The following NRXN1 variants were observed in gnomAD, a reference collection of about 807,000 sequenced individuals.
NRXN1 encodes neurexin-1.
NRXN1 carries 39 observed loss-of-function variants against 150.9 expected under a neutral mutation model. The ratio of observed to expected loss-of-function variants is 0.26; its 90% CI spans 0.20 to 0.34. The LOEUF is 0.34. Ranked by LOEUF, NRXN1 falls within the 10% of genes least tolerant of loss-of-function variation. The pLI, the probability that NRXN1 is intolerant of heterozygous loss-of-function variation, is 1.00. For synonymous variants in NRXN1, 924 were observed against 757.0 expected (o/e 1.22, Z -3.62); for missense variants, 1,815 against 1,949.9 (o/e 0.93, Z 1.30).
At chr2:50,327,212 A>C (rs963140886) in intron 17 of NRXN1, among the ~76,000 whole-genome samples, 2 of 152,236 alleles carry the variant, frequency 1.3e-5, no homozygotes, top group African/African-American at 4.8e-5. Context: ...TCAGAAATAA[A>C]AAATAACCAA....
intron 19 of NRXN1, among the ~76,000 whole-genome samples, chr2:50,078,412 C>G (rs1697409122): frequency 6.6e-6 from 1 of 151,514 alleles, no homozygotes; most frequent in Non-Finnish European, 1.5e-5. Context: ...TTCCAAATAC[C>G]TTTCATTCAG....
intron 12 of NRXN1, among the ~76,000 whole-genome samples, chr2:50,509,687 T>A (rs566996006): frequency 6.6e-6 from 1 of 152,326 alleles, no homozygotes; most frequent in South Asian, 2.1e-4. Context: ...ATAATTTTAA[T>A]GGCAAAATTA....
At position 51,027,955 on chromosome 2, in the gene NRXN1, T is replaced by A; in HGVS notation, c.319A>T (p.Thr107Ser). The A allele has an allele frequency of 6.2e-7, 1 of 1,603,044 alleles. No individual in the cohort carries two copies. The highest frequency in any genetic ancestry group is 1.1e-5 in the South Asian group (1 of 91,018). The change falls in exon 2 of 23, where the codon ACG becomes TCG. Residue 107 changes from threonine to serine, a missense_variant. Transcript: ENST00000401669. ...CAEPATLLADTPVNDGAWHSV... is the reference protein window; with the variant it reads ...CAEPATLLADSPVNDGAWHSV... ...TGCCAGGCGCCGTCGTTAACCGGCG[T>A]GTCGGCCAGGAGCGTCGCAGGCTCA...
Position 50,623,627 on chromosome 2 carries a change from C to T in NRXN1, c.833-12G>A. On this transcript the variant is annotated splice_polypyrimidine_tract_variant and intron_variant, in intron 5 of 22. Transcript: ENST00000401669. The stretch of plus-strand genomic sequence containing the variant: ...ATATTCTTCTTTTCCTAGAGGAAAA[C>T]AGATGATACATACATAAGTAAACAA... 2 of 1,587,380 alleles carry T rather than the reference C, an allele frequency of 1.3e-6. No individual in the cohort carries two copies. The highest frequency in any genetic ancestry group is 1.7e-6 in the Non-Finnish European group (2 of 1,158,814).
intron 21 of NRXN1, among the ~76,000 whole-genome samples, chr2:49,958,190 G>C (rs773991230): frequency 6.6e-6 from 1 of 152,060 alleles, no homozygotes; most frequent in South Asian, 2.1e-4. Context: ...ATTTGCCTTT[G>C]TGCATGTATT....
rs2087959434 is a variant in NRXN1 at position 50,459,665 on chromosome 2, G to A, written c.3364+5777C>T. Among the ~76,000 whole-genome samples, 3 of 152,022 alleles carry A rather than the reference G, an allele frequency of 2.0e-5. No individual in the cohort carries two copies. In the South Asian group the frequency reaches 6.2e-4, roughly 32 times the overall value. The stretch of plus-strand genomic sequence containing the variant: ...TCTCATTTCTTTTTATGTTTGCATG[G>A]TATTCTATGGTGTATATGTACCACA... On this transcript the variant is annotated intron_variant, in intron 17 of 22. Transcript: ENST00000401669.
intron 8 of NRXN1, among the ~76,000 whole-genome samples, chr2:50,557,838 A>T (rs1668480262): frequency 6.6e-6 from 1 of 152,222 alleles, no homozygotes; most frequent in Non-Finnish European, 1.5e-5. Flanking sequence ...CACATATTTA[A>T]GGGAATTAAA....
chr2:50,881,916 T>C (rs1330394960), intron 5 of NRXN1, among the ~76,000 whole-genome samples: 1 of 151,694 alleles, frequency 6.6e-6, no homozygotes, highest in African/African-American at 2.4e-5. Context: ...AAAAATATAA[T>C]ACAAACTTTT....
chr2:50,745,645 G>T (rs1397930018), intron 5 of NRXN1, among the ~76,000 whole-genome samples: 1 of 152,038 alleles, frequency 6.6e-6, no homozygotes, highest in Non-Finnish European at 1.5e-5. Context: ...CAGCATGCCT[G>T]GGGAGGCCTC....
rs373954439 is a variant in NRXN1 at position 50,620,121 on chromosome 2, C to T, written c.1221G>A (p.Met407Ile). 1.2e-6 allele frequency: 2 copies of T among 1,613,388 alleles called. No individual in the cohort carries two copies. Among genetic ancestry groups the T allele is most frequent in the Non-Finnish European group, 1.7e-6 (2 of 1,179,674 alleles). ...CATAGAAAAAGTCATCAGACCCCAG[C>T]ATGGTATAATCTTCTTGCGTGTAGC... ...TTGYTQEDYT[M>I]LGSDDFFYVG... Residue 407 changes from methionine to isoleucine, a missense_variant, in exon 8 of 23, where the codon ATG (methionine) becomes ATA (isoleucine). Coordinates refer to ENST00000401669, the MANE Select transcript of NRXN1 (RefSeq NM_001330078.2).
At chr2:50,691,689 C>A (rs969102959) in intron 5 of NRXN1, among the ~76,000 whole-genome samples, 11 of 152,262 alleles carry the variant, frequency 7.2e-5, no homozygotes, top group African/African-American at 2.4e-4. Context: ...ACTGGGCAAC[C>A]ATCCGTTCCT....
At chr2:50,320,203 A>G (rs1292925427) in intron 17 of NRXN1, among the ~76,000 whole-genome samples, 1 of 149,274 alleles carries the variant, frequency 6.7e-6, no homozygotes, top group Non-Finnish European at 1.5e-5. Context: ...GAATGATAAT[A>G]TTTAAAGCTA....
intron 2 of NRXN1, among the ~76,000 whole-genome samples, chr2:50,995,665 T>C (rs545437551): frequency 6.7e-6 from 1 of 149,892 alleles, no homozygotes; most frequent in Non-Finnish European, 1.5e-5. Flanking sequence ...TATTTGAAGA[T>C]GGGACAATCT....
chr2:50,510,229 T>C (rs1279528634), intron 12 of NRXN1, among the ~76,000 whole-genome samples: 1 of 152,026 alleles, frequency 6.6e-6, no homozygotes, highest in Non-Finnish European at 1.5e-5. Flanking sequence ...GGCTCTCGTC[T>C]GTAATCCCAG....
chr2:49,954,420 T>C (rs991242832), intron 21 of NRXN1, among the ~76,000 whole-genome samples: 1 of 152,126 alleles, frequency 6.6e-6, no homozygotes, highest in Non-Finnish European at 1.5e-5. Flanking sequence ...CTCTCTAAAT[T>C]CTAAGTTCTA....
chr2:51,002,450 C>T (rs1224284272), intron 2 of NRXN1, among the ~76,000 whole-genome samples: 1 of 151,872 alleles, frequency 6.6e-6, no homozygotes, highest in African/African-American at 2.4e-5. Flanking sequence ...CTATAGTGTA[C>T]CATTGCTTCT....
At chr2:50,811,900 T>C (rs1305242092) in intron 5 of NRXN1, among the ~76,000 whole-genome samples, 3 of 152,140 alleles carry the variant, frequency 2.0e-5, no homozygotes, top group African/African-American at 7.2e-5. Flanking sequence ...AAAGTAAAAA[T>C]GTGGCTCCAT....
intron 17 of NRXN1, among the ~76,000 whole-genome samples, chr2:50,330,403 T>C (rs1291961473): frequency 1.3e-5 from 2 of 152,176 alleles, no homozygotes; most frequent in African/African-American, 4.8e-5. Flanking sequence ...TTTAAAAACA[T>C]AGGCTCTCCT....
At chr2:50,683,646 A>AAAAAAAAAAATATATATATAT in intron 5 of NRXN1, among the ~76,000 whole-genome samples, 10 of 14,904 alleles carry the variant, frequency 6.7e-4, no homozygotes, top group African/African-American at 3.2e-3. Context: ...AAAAAAAAAA[A>AAAAAAAAAAATATATATATAT]ATATATATAT....
Sources: gnomAD v4.1 joint callset for allele counts (sites outside exome capture counted in the v4.1 genomes callset) on GRCh38, gnomAD v4.1.1 for gene constraint, MANE v1.5 for transcripts, NCBI Gene and HGNC (gene_info 2026-07-23, HGNC 2026-07-21) for gene names.